The following PPP1R9A variants were observed in gnomAD, a reference collection of about 807,000 sequenced individuals.
The protein encoded by PPP1R9A is protein phosphatase 1 regulatory subunit 9A, also known as neurabin-1.
In PPP1R9A, 59 loss-of-function variants were observed where a neutral mutation model predicts 141.9. The observed-to-expected ratio is 0.42, with a 90% CI of 0.34 to 0.52. The LOEUF (loss-of-function observed/expected upper bound fraction) is 0.52. PPP1R9A is among the 20% of genes least tolerant of loss of function. The pLI is 0.10. For missense variants in PPP1R9A, 1,444 were observed against 1,611.9 expected (o/e 0.90, Z 1.78); for synonymous variants, 500 against 569.7 (o/e 0.88, Z 1.74).
chr7:95,102,634 G>T (rs1173970819), intron 2 of PPP1R9A, among the ~76,000 whole-genome samples: 3 of 152,104 alleles, frequency 2.0e-5, no homozygotes, highest in African/African-American at 7.2e-5. Context: ...TAGCTAGGTT[G>T]GCTTTTTCTT....
At chr7:94,919,300 CAT>C (rs1792477417) in intron 2 of PPP1R9A, among the ~76,000 whole-genome samples, 2 of 120,174 alleles carry the variant, frequency 1.7e-5, no homozygotes, top group African/African-American at 3.5e-5. Flanking sequence ...TGGATAATTA[CAT>C]TTTTTTTTTT....
At chr7:95,272,824 T>C (rs1260355005) in intron 14 of PPP1R9A, among the ~76,000 whole-genome samples, 13 of 152,180 alleles carry the variant, frequency 8.5e-5, no homozygotes, top group Admixed American at 8.5e-4. Context: ...CTCTTTGCCT[T>C]CCATACTAGA....
intron 4 of PPP1R9A, among the ~76,000 whole-genome samples, chr7:95,140,305 G>T (rs1010867528): frequency 6.6e-6 from 1 of 152,084 alleles, no homozygotes; most frequent in Non-Finnish European, 1.5e-5. Context: ...GGATCAAGTG[G>T]GAGAAGGCAT....
intron 5 of PPP1R9A, among the ~76,000 whole-genome samples, chr7:95,168,774 T>C (rs942634541): frequency 6.6e-6 from 1 of 151,946 alleles, no homozygotes; most frequent in Admixed American, 6.6e-5. Flanking sequence ...ATGACTGATA[T>C]ATGTGAAGAT....
intron 7 of PPP1R9A, chr7:95,214,466 G>T (rs1792852225): frequency 6.6e-6 from 1 of 152,194 alleles, no homozygotes. Context: ...CTTCCCAATA[G>T]TGAGGGCTGA....
chr7:95,122,886 TAA>T (rs1822890729), intron 4 of PPP1R9A, among the ~76,000 whole-genome samples: 1 of 152,138 alleles, frequency 6.6e-6, no homozygotes, highest in African/African-American at 2.4e-5. Context: ...CATTTCTTAT[TAA>T]GTTTGATGAA....
chr7:95,258,928 G>A (rs887464143), intron 12 of PPP1R9A, among the ~76,000 whole-genome samples: 27 of 152,054 alleles, frequency 1.8e-4, no homozygotes, highest in African/African-American at 4.3e-4. Context: ...AATTTACTTC[G>A]ATGTGTATAT....
intron 2 of PPP1R9A, among the ~76,000 whole-genome samples, chr7:95,082,197 T>TAAAACGAAAAATAGGGCTAACCAA (rs1368724484): frequency 6.6e-6 from 1 of 152,136 alleles, no homozygotes; most frequent in Non-Finnish European, 1.5e-5. Context: ...AGATAGCAGT[T>TAAAACGAAAAATAGGGCTAACCAA]AAAACGAAAA....
chr7:94,999,887 G>A (rs762058617), intron 2 of PPP1R9A, among the ~76,000 whole-genome samples: 4 of 151,518 alleles, frequency 2.6e-5, no homozygotes, highest in Non-Finnish European at 5.9e-5. Context: ...TGGCAACCTC[G>A]GACTGCCGGG....
At chr7:95,142,781 T>C (rs762554972) in intron 4 of PPP1R9A, among the ~76,000 whole-genome samples, 1 of 152,222 alleles carries the variant, frequency 6.6e-6, no homozygotes, top group Non-Finnish European at 1.5e-5. Context: ...GGAAGTACCA[T>C]TGTGAAACTG....
intron 5 of PPP1R9A, among the ~76,000 whole-genome samples, chr7:95,196,331 G>C (rs1836277031): frequency 6.6e-6 from 1 of 152,154 alleles, no homozygotes; most frequent in South Asian, 2.1e-4. Flanking sequence ...ACTAAGTGTT[G>C]ATGAGGATGC....
chr7:95,242,561 G>T (rs750977627), intron 8 of PPP1R9A, among the ~76,000 whole-genome samples: 11 of 151,842 alleles, frequency 7.2e-5, no homozygotes, highest in Non-Finnish European at 1.5e-4. Context: ...TATCGATCCG[G>T]TAATATGAGT....
chr7:95,280,936 A>G (rs854537), intron 16 of PPP1R9A, among the ~76,000 whole-genome samples: 98,463 of 152,092 alleles, frequency 0.65, 33,011 homozygotes, highest in East Asian at 0.77. Context: ...AGTGGTCAAC[A>G]TGGAATAACT....
At chr7:94,961,561 T>C (rs150770537) in intron 2 of PPP1R9A, among the ~76,000 whole-genome samples, 1 of 151,960 alleles carries the variant, frequency 6.6e-6, no homozygotes, top group East Asian at 1.9e-4. Flanking sequence ...TCTGGTTATC[T>C]TTATAGGAAG....
At chr7:95,005,058 A>C (rs1029117833) in intron 2 of PPP1R9A, among the ~76,000 whole-genome samples, 7 of 152,190 alleles carry the variant, frequency 4.6e-5, no homozygotes, top group Non-Finnish European at 1.0e-4. Flanking sequence ...AAGCTGTTAG[A>C]ATTGGCATTT....
Position 94,910,103 on chromosome 7 carries a change from CT to C in PPP1R9A, c.-10del, listed in dbSNP as rs1289533038. On this transcript the variant is annotated 5_prime_UTR_variant, in exon 2 of 20. It removes the in-frame stop codon of an upstream open reading frame in the 5' UTR. Coordinates refer to ENST00000433360, the MANE Select transcript of PPP1R9A (RefSeq NM_001166160.2). This position sits in a 1 kb window ranked among gnomAD's most constrained non-coding sequence, Gnocchi z 4.5. ...CATTATGAACATTGGCTTTTCACCC[CT>C]GAAGTGAAAATGTTGAAAACTGAGT... 6.3e-7 allele frequency: 1 copy of C among 1,591,334 alleles called. No homozygotes were observed. The highest frequency in any genetic ancestry group is 8.5e-7 in the Non-Finnish European group (1 of 1,170,100).
At chr7:95,130,217 A>G (rs1824335798) in intron 4 of PPP1R9A, among the ~76,000 whole-genome samples, 1 of 152,036 alleles carries the variant, frequency 6.6e-6, no homozygotes, top group South Asian at 2.1e-4. Flanking sequence ...CACCCTAGGG[A>G]CTTAGTGCCC....
chr7:95,018,380 C>A, intron 2 of PPP1R9A: 1 of 187,046 alleles, frequency 5.3e-6, no homozygotes, highest in Non-Finnish European at 1.2e-5. Context: ...TCTTGTGTAT[C>A]ACTAGAAAAT....
intron 4 of PPP1R9A, among the ~76,000 whole-genome samples, chr7:95,154,289 G>T (rs186602054): frequency 1.3e-5 from 2 of 151,944 alleles, no homozygotes; most frequent in African/African-American, 2.4e-5. Flanking sequence ...TTGTTCAGGA[G>T]CATAGTTTTA....
Sources: gnomAD v4.1 joint callset for allele counts (sites outside exome capture counted in the v4.1 genomes callset) on GRCh38, gnomAD v4.1.1 for gene constraint, Gnocchi (gnomAD v3.1) non-coding constraint, MANE v1.5 for transcripts, NCBI Gene and HGNC (gene_info 2026-07-23, HGNC 2026-07-21) for gene names.